Variants in RGS6 observed in about 807,000 individuals in gnomAD.
The protein encoded by RGS6 is regulator of G-protein signaling 6.
In RGS6, 30 loss-of-function variants were observed where a neutral mutation model predicts 78.5. The ratio of observed to expected loss-of-function variants is 0.38; its 90% CI spans 0.29 to 0.52. The LOEUF is 0.52. RGS6 is among the 20% of genes least tolerant of loss of function. The probability of loss-of-function intolerance (pLI) is 0.85; values close to 1 mark genes in which losing one functional copy is unlikely to be tolerated. For missense variants in RGS6, 495 were observed against 609.7 expected (o/e 0.81, Z 1.98); for synonymous variants, 206 against 206.0 (o/e 1.00, Z 0.00).
At chr14:72,505,229 A>G (rs2096784442) in intron 13 of RGS6, among the ~76,000 whole-genome samples, 1 of 152,214 alleles carries the variant, frequency 6.6e-6, no homozygotes, top group African/African-American at 2.4e-5. Context: ...TGTTACAAAA[A>G]TACTATAGAC....
rs2097689873 is a variant in RGS6 at position 72,562,578 on chromosome 14, G to A, written c.*111G>A. The stretch of plus-strand genomic sequence containing the variant: ...ACGAGGAGACTTGGTCACTGTGAAG[G>A]AGAAAGAGTGAGGGCAATGAAGGGC... On this transcript the variant is annotated 3_prime_UTR_variant, in exon 18 of 18. Transcript: ENST00000553525. 6.4e-7 allele frequency: 1 copy of A among 1,553,888 alleles called. No homozygotes were observed. The highest frequency in any genetic ancestry group is 2.4e-5 in the East Asian group (1 of 41,998).
chr14:72,470,539 G>A (rs1329608102), intron 8 of RGS6, among the ~76,000 whole-genome samples: 1 of 152,208 alleles, frequency 6.6e-6, no homozygotes, highest in African/African-American at 2.4e-5. Flanking sequence ...AGGCACAGAA[G>A]TCAGACAGTT....
intron 2 of RGS6, among the ~76,000 whole-genome samples, chr14:72,088,431 C>A (rs2095138463): frequency 6.6e-6 from 1 of 152,266 alleles, no homozygotes; most frequent in East Asian, 1.9e-4. Flanking sequence ...CACTATATTT[C>A]TATTAATACT....
the RGS6 span, among the ~76,000 whole-genome samples, chr14:71,918,774 C>T: frequency 6.6e-6 from 1 of 152,014 alleles, no homozygotes; most frequent in Non-Finnish European, 1.5e-5. Context: ...AAGTTTAACC[C>T]CCTAACAATT....
intron 2 of RGS6, among the ~76,000 whole-genome samples, chr14:72,056,562 A>C (rs574670173): frequency 1.3e-5 from 2 of 152,318 alleles, no homozygotes; most frequent in African/African-American, 2.4e-5. Flanking sequence ...TAAAACAATG[A>C]CTTTAGTTGA....
At chr14:72,542,465 A>G (rs2097339683) in intron 17 of RGS6, among the ~76,000 whole-genome samples, 1 of 152,256 alleles carries the variant, frequency 6.6e-6, no homozygotes, top group Non-Finnish European at 1.5e-5. Flanking sequence ...GATCTACGTG[A>G]ATGTTTTATC....
intron 2 of RGS6, among the ~76,000 whole-genome samples, chr14:72,212,890 CG>C (rs1567485373): frequency 6.6e-6 from 1 of 152,178 alleles, no homozygotes; most frequent in African/African-American, 2.4e-5. Context: ...GACTCTTTTA[CG>C]TCACTTTCTG....
At chr14:71,965,107 G>T (rs1023643477) in intron 2 of RGS6, among the ~76,000 whole-genome samples, 1 of 152,196 alleles carries the variant, frequency 6.6e-6, no homozygotes, top group African/African-American at 2.4e-5. Flanking sequence ...TAAACCCAAA[G>T]GTTGCCTAAG....
At chr14:72,100,173 T>C (rs1249357332) in intron 2 of RGS6, among the ~76,000 whole-genome samples, 1 of 152,100 alleles carries the variant, frequency 6.6e-6, no homozygotes, top group Non-Finnish European at 1.5e-5. Context: ...ACGGGAGTGA[T>C]TTCCAGTTTT....
intron 12 of RGS6, among the ~76,000 whole-genome samples, chr14:72,493,918 A>G (rs920726516): frequency 3.3e-5 from 5 of 152,234 alleles, no homozygotes; most frequent in African/African-American, 4.8e-5. Context: ...TTACGAAACT[A>G]CTAAAGGATG....
chr14:71,910,708 A>G, the RGS6 span, among the ~76,000 whole-genome samples: 1 of 152,176 alleles, frequency 6.6e-6, no homozygotes, highest in Non-Finnish European at 1.5e-5. Flanking sequence ...GGTATCAAGA[A>G]GGAGGTGACT....
At chr14:71,876,075 A>C in the RGS6 span, among the ~76,000 whole-genome samples, 5 of 152,292 alleles carry the variant, frequency 3.3e-5, no homozygotes, top group Non-Finnish European at 7.3e-5. Flanking sequence ...CTATGTGGTC[A>C]ATTTTGGAAT....
At chr14:72,592,832 G>A in the RGS6 span, among the ~76,000 whole-genome samples, 88 of 152,290 alleles carry the variant, frequency 5.8e-4, no homozygotes, top group Middle Eastern at 3.4e-3. Context: ...CTCCCACTGT[G>A]GAAGAAAGAT....
At chr14:72,165,222 A>G (rs2096908166) in intron 2 of RGS6, among the ~76,000 whole-genome samples, 1 of 152,250 alleles carries the variant, frequency 6.6e-6, no homozygotes, top group Non-Finnish European at 1.5e-5. Flanking sequence ...GCGTATGTGC[A>G]GTGATTATGA....
chr14:72,583,718 G>T, the RGS6 span, among the ~76,000 whole-genome samples: 7,594 of 152,122 alleles, frequency 0.05, 231 homozygotes, highest in Middle Eastern at 0.16. Flanking sequence ...GGCCTCACGG[G>T]GTCTCTTTTA....
At chr14:72,148,773 G>A (rs2096642665) in intron 2 of RGS6, among the ~76,000 whole-genome samples, 2 of 152,180 alleles carry the variant, frequency 1.3e-5, no homozygotes. Flanking sequence ...GATTTAGGAG[G>A]AAAGTTGACT....
chr14:72,375,541 C>T (rs983289167), intron 3 of RGS6, among the ~76,000 whole-genome samples: 4 of 152,096 alleles, frequency 2.6e-5, no homozygotes, highest in Non-Finnish European at 5.9e-5. Flanking sequence ...GCAAGCATGC[C>T]CCCAGGCCAG....
Position 72,454,082 on chromosome 14 carries a change from G to A in RGS6, c.185-446G>A, listed in dbSNP as rs112183363. ...TAGACGTTTCTGCCACAAATGCAGG[G>A]ACACATTCATTCAGGATAGGCCTGT... On this transcript the variant is annotated intron_variant, in intron 3 of 17. Transcript: ENST00000553525. Among the ~76,000 whole-genome samples the A allele has an allele frequency of 6.5e-4, 99 of 152,340 alleles. 1 individual carries two copies. Among genetic ancestry groups the A allele is most frequent in the African/African-American group, 2.2e-3 (92 of 41,572 alleles).
At chr14:72,160,343 G>A (rs898348299) in intron 2 of RGS6, among the ~76,000 whole-genome samples, 1 of 105,178 alleles carries the variant, frequency 9.5e-6, no homozygotes, top group African/African-American at 3.7e-5. Context: ...CAATAAATAT[G>A]TAAAAAAGTC....
Sources: gnomAD v4.1 joint callset for allele counts (sites outside exome capture counted in the v4.1 genomes callset) on GRCh38, gnomAD v4.1.1 for gene constraint, MANE v1.5 for transcripts, NCBI Gene and HGNC (gene_info 2026-07-23, HGNC 2026-07-21) for gene names.